Variants in MAN2B1 observed in about 807,000 individuals in gnomAD.
The protein encoded by MAN2B1 is mannosidase alpha class 2B member 1.
Under a neutral mutation model 127.5 loss-of-function variants are expected in MAN2B1, and 99 were observed. The ratio of observed to expected loss-of-function variants is 0.78; its 90% CI spans 0.66 to 0.92. The LOEUF (loss-of-function observed/expected upper bound fraction) is 0.92, where lower values mean the gene tolerates loss of function less well. MAN2B1 is among the 40% of genes least tolerant of loss of function. The probability of loss-of-function intolerance (pLI) is 0.00; values close to 1 mark genes in which losing one functional copy is unlikely to be tolerated. For missense variants in MAN2B1, 1,304 were observed against 1,384.8 expected (o/e 0.94, Z 0.93); for synonymous variants, 573 against 568.8 (o/e 1.01, Z -0.11).
At position 12,663,306 on chromosome 19, in the gene MAN2B1, A is replaced by G. The variant is rs1568306885; in HGVS notation, c.909+11T>C. The G allele has an allele frequency of 2.5e-6, 4 of 1,614,168 alleles. No individual in the cohort carries two copies. In the South Asian group the frequency reaches 4.4e-5, roughly 18 times the overall value. ...TATACCGGACTCGAAGGTTCTGGAC[A>G]CCAGGGTTACCTGGGCAGTGGCCAC... On this transcript the variant is annotated intron_variant, in intron 6 of 23. Transcript: ENST00000456935.
Position 12,649,274 on chromosome 19 carries a change from G to A in MAN2B1, c.2356-58C>T. ...CAACCCCAACCCCAGGCAGCTTTGAGATGCTGCAGATAAGGGGTGATTCCC... is the reference window on the plus strand; with the variant it reads ...CAACCCCAACCCCAGGCAGCTTTGAAATGCTGCAGATAAGGGGTGATTCCC... On this transcript the variant is annotated intron_variant, in intron 19 of 23. Coordinates refer to ENST00000456935, the MANE Select transcript of MAN2B1 (RefSeq NM_000528.4). 4 of 1,597,856 alleles carry A rather than the reference G, an allele frequency of 2.5e-6. No homozygotes were observed. The South Asian group carries it at 3.3e-5, about 13-fold the overall frequency.
intron 14 of MAN2B1, among the ~76,000 whole-genome samples, 160 bp from the exon 15 acceptor site, chr19:12,652,620 C>T (rs1339364003): frequency 2.6e-5 from 4 of 151,588 alleles, no homozygotes; most frequent in Admixed American, 6.6e-5. Flanking sequence ...CACCCCCCAC[C>T]TCCCGGGTTC....
chr19:12,649,034 T>C, intron 20 of MAN2B1, 102 bp downstream of exon 20: 1 of 942,052 alleles, frequency 1.1e-6, no homozygotes. Flanking sequence ...CTCAGCTTAG[T>C]GGGGCCTGAA....
intron 6 of MAN2B1, among the ~76,000 whole-genome samples, chr19:12,662,462 T>C (rs2024131067): frequency 1.3e-5 from 2 of 151,282 alleles, no homozygotes; most frequent in South Asian, 2.1e-4. Context: ...ACCCCCTTTC[T>C]ACTAAAAAGA....
intron 1 of MAN2B1, 118 bp from the exon 2 acceptor site, chr19:12,665,923 G>C: frequency 1.3e-6 from 1 of 779,812 alleles, no homozygotes; most frequent in Non-Finnish European, 2.2e-6. Flanking sequence ...CCTATGTGCA[G>C]AGGAGGCCAG....
Position 12,647,250 on chromosome 19 carries a change from T to C in MAN2B1, c.2906A>G (p.Lys969Arg), listed in dbSNP as rs1323141015. ...NQLREAASRL[K>R]WTTNTGPTPH... ...GGCCCCACCTGTGTTTGTTGTCCAC[T>C]TGAGCCTGGAGGCTGCCTCGCGGAG... The change falls in exon 23 of 24, where the codon AAG becomes AGG. Residue 969 changes from lysine to arginine, a missense_variant. Lys to Arg is a conservative substitution (Grantham distance 26). Transcript: ENST00000456935. This position sits in a 1 kb window ranked among gnomAD's most constrained non-coding sequence, Gnocchi z 4.9. 2 of 1,613,902 alleles carry C rather than the reference T, an allele frequency of 1.2e-6. No individual in the cohort carries two copies. Among genetic ancestry groups the C allele is most frequent in the African/African-American group, 2.7e-5 (2 of 74,912 alleles).
At position 12,647,482 on chromosome 19, in the gene MAN2B1, G is replaced by A. The variant is rs976302366; in HGVS notation, c.2781C>T (p.Ser927=). The A allele has an allele frequency of 4.3e-6, 7 of 1,614,216 alleles. No homozygotes were observed. The highest frequency in any genetic ancestry group is 1.3e-5 in the African/African-American group (1 of 75,064). The change falls in exon 22 of 24, where the codon TCC becomes TCT. Residue 927 remains serine, a synonymous_variant. Coordinates refer to ENST00000456935, the MANE Select transcript of MAN2B1 (RefSeq NM_000528.4). The surrounding 1 kb of genome is among the most constrained non-coding windows in gnomAD (Gnocchi z 4.9). The part of the protein sequence containing the change: ...LEHQFAVGED[S]GRNLSAPVTL... ...TAACGGGGGCGCTCAGGTTACGTCC[G>A]GAATCCTCTCCTACGGCAAACTGGT...
At chr19:12,665,888 A>G (rs2024223682) in intron 1 of MAN2B1, 83 bp from the exon 2 acceptor site, 4 of 1,074,278 alleles carry the variant, frequency 3.7e-6, no homozygotes, top group African/African-American at 1.5e-5. Context: ...TCTAGAGGTG[A>G]GTGACTCAGA....
At chr19:12,648,109 G>T in intron 21 of MAN2B1, 66 bp downstream of exon 21, 1 of 1,438,806 alleles carries the variant, frequency 7.0e-7, no homozygotes, top group Non-Finnish European at 9.4e-7. Flanking sequence ...AGGAAACTCC[G>T]CACCCAAACC....
intron 7 of MAN2B1, among the ~76,000 whole-genome samples, chr19:12,660,293 C>G (rs577191411): frequency 1.3e-5 from 2 of 152,120 alleles, no homozygotes; most frequent in Non-Finnish European, 2.9e-5. Context: ...ATCACGAGGT[C>G]AAGAAATCGA....
At chr19:12,662,431 C>G (rs1032853277) in intron 6 of MAN2B1, among the ~76,000 whole-genome samples, 1 of 151,742 alleles carries the variant, frequency 6.6e-6, no homozygotes, top group Non-Finnish European at 1.5e-5. Context: ...AGTTCGAGAC[C>G]AGCCTGGCCA....
rs182568218 is a variant in MAN2B1 at position 12,652,619 on chromosome 19, C to G, written c.1831-159G>C. Among the ~76,000 whole-genome samples, 834 of 150,904 alleles carry G rather than the reference C, an allele frequency of 5.5e-3. 6 individuals carry two copies. Among genetic ancestry groups the G allele is most frequent in the Non-Finnish European group, 8.4e-3 (569 of 67,596 alleles). ...CAATCTTGGCTCACTGCACCCCCCA[C>G]CTCCCGGGTTCAAGTGATTCTCGTG... On this transcript the variant is annotated intron_variant, in intron 14 of 23. Transcript: ENST00000456935.
In MAN2B1 at chr19:12,655,794, G is replaced by A; in HGVS notation, c.1730C>T (p.Thr577Ile). 2 of 1,612,792 alleles carry A rather than the reference G, an allele frequency of 1.2e-6. No individual in the cohort carries two copies. Among genetic ancestry groups the A allele is most frequent in the Non-Finnish European group, 1.7e-6 (2 of 1,179,036 alleles). The change falls in exon 14 of 24, where the codon ACC (threonine) becomes ATC (isoleucine). Residue 577 changes from threonine (T) to isoleucine (I), a missense_variant. Transcript: ENST00000456935. ...SASLPALGFS[T>I]YSVAQVPRWK... Reference sequence around the variant, plus strand: ...GCGAGGCACCTGGGCTACTGAATAGGTGCTGAAGCCCAGGGCGGGCAGTGA... The same window carrying A: ...GCGAGGCACCTGGGCTACTGAATAGATGCTGAAGCCCAGGGCGGGCAGTGA...
intron 18 of MAN2B1, 49 bp from the exon 19 acceptor site, chr19:12,649,477 C>CTTGTTTTTTTT: frequency 2.4e-6 from 1 of 421,496 alleles, no homozygotes; most frequent in Non-Finnish European, 3.9e-6. Flanking sequence ...CTCCCCAACT[C>CTTGTTTTTTTT]TTTTTTTTTT....
At chr19:12,665,623 G>T in intron 2 of MAN2B1, 80 bp downstream of exon 2, 2 of 1,583,346 alleles carry the variant, frequency 1.3e-6, no homozygotes, top group African/African-American at 2.7e-5. Context: ...GGTAGCACTG[G>T]CCCCACCCTA....
At chr19:12,649,050 A>C (rs2023770923) in intron 20 of MAN2B1, 86 bp downstream of exon 20, 1 of 1,134,144 alleles carries the variant, frequency 8.8e-7, no homozygotes, top group Non-Finnish European at 1.3e-6. Context: ...CTGAAAGCAG[A>C]GAACTGGGCC....
rs1327029675 is a variant in MAN2B1, at chr19:12,648,315, G to A, written c.2524C>T (p.His842Tyr). 1.2e-6 allele frequency: 2 copies of A among 1,613,320 alleles called. No homozygotes were observed. Among genetic ancestry groups the A allele is most frequent in the South Asian group, 2.2e-5 (2 of 91,080 alleles). ...TGGGCTGTGTCCAGCAGCACCAGGTGGCGCCCTCGCACCCACGCCCCCGAC... is the reference window on the plus strand; with the variant it reads ...TGGGCTGTGTCCAGCAGCACCAGGTAGCGCCCTCGCACCCACGCCCCCGAC... ...NGSGAWVRGR[H>Y]LVLLDTAQAA... The change falls in exon 21 of 24, where the codon CAC (histidine) becomes TAC (tyrosine). Residue 842 changes from histidine to tyrosine, a missense_variant. By Grantham distance (83) the His-to-Tyr change is moderately conservative. Transcript: ENST00000456935.
chr19:12,657,983 AAGAAACTCG>A, intron 10 of MAN2B1, 71 bp downstream of exon 10: 1 of 954,158 alleles, frequency 1.0e-6, no homozygotes, highest in Non-Finnish European at 1.6e-6. Flanking sequence ...AAAAAAAAAG[AAGAAACTCG>A]AGGGGGGCGG....
chr19:12,649,666 TAG>T (rs927995591), intron 18 of MAN2B1, among the ~76,000 whole-genome samples: 1 of 151,692 alleles, frequency 6.6e-6, no homozygotes. Context: ...GTATTTTTAG[TAG>T]AGACGGGGTT....
Sources: gnomAD v4.1 joint callset for allele counts (sites outside exome capture counted in the v4.1 genomes callset) on GRCh38, gnomAD v4.1.1 for gene constraint, Gnocchi (gnomAD v3.1) non-coding constraint, MANE v1.5 for transcripts, NCBI Gene and HGNC (gene_info 2026-07-23, HGNC 2026-07-21) for gene names.